Variants in ADK observed in about 807,000 individuals in gnomAD.
The protein encoded by ADK is adenosine kinase.
ADK carries 24 observed loss-of-function variants against 44.7 expected under a neutral mutation model. The observed-to-expected ratio is 0.54, with a 90% CI of 0.39 to 0.76. The LOEUF (loss-of-function observed/expected upper bound fraction) is 0.76, where lower values mean the gene tolerates loss of function less well. Among genes scored for constraint, ADK ranks in the 30% least tolerant of loss-of-function variants. The pLI, the probability that ADK is intolerant of heterozygous loss-of-function variation, is 0.00. For synonymous variants in ADK, 128 were observed against 142.6 expected, an observed-to-expected ratio of 0.90 and a Z score of 0.73; for missense variants, 321 against 425.1, an observed-to-expected ratio of 0.76 and a Z score of 2.15.
intron 6 of ADK, among the ~76,000 whole-genome samples, chr10:74,438,252 G>GTC (rs1444147882): frequency 1.4e-5 from 2 of 147,382 alleles, no homozygotes; most frequent in Non-Finnish European, 3.0e-5. Flanking sequence ...TTTTGAGACA[G>GTC]TCTCCCCTGT....
At chr10:74,600,173 A>G (rs949504792) in intron 8 of ADK, among the ~76,000 whole-genome samples, 8 of 152,132 alleles carry the variant, frequency 5.3e-5, no homozygotes, top group Non-Finnish European at 1.2e-4. Flanking sequence ...CATACATTTT[A>G]AATTTGTGTA....
chr10:74,277,334 T>G (rs1846729407), intron 3 of ADK, among the ~76,000 whole-genome samples: 1 of 152,234 alleles, frequency 6.6e-6, no homozygotes, highest in African/African-American at 2.4e-5. Context: ...TGACCTGGAC[T>G]GTGTGAGATA....
chr10:74,364,113 C>A (rs1424188975), intron 4 of ADK, among the ~76,000 whole-genome samples: 1 of 152,206 alleles, frequency 6.6e-6, no homozygotes, highest in African/African-American at 2.4e-5. Context: ...AATTACAATT[C>A]ATACCTGTAC....
At chr10:74,459,380 T>C (rs537294863) in intron 6 of ADK, among the ~76,000 whole-genome samples, 6 of 152,224 alleles carry the variant, frequency 3.9e-5, no homozygotes, top group Admixed American at 6.5e-5. Flanking sequence ...AACACCTTTT[T>C]ACATTTCAGA....
At chr10:74,509,863 C>T (rs997088266) in intron 6 of ADK, among the ~76,000 whole-genome samples, 1 of 152,188 alleles carries the variant, frequency 6.6e-6, no homozygotes, top group Non-Finnish European at 1.5e-5. Flanking sequence ...TAACATTTCA[C>T]TTAACATAAT....
rs527375515 is a variant in ADK at position 74,417,787 on chromosome 10, G to A, written c.555+19208G>A. On this transcript the variant is annotated intron_variant, in intron 6 of 10. Coordinates refer to ENST00000539909, the MANE Select transcript of ADK (RefSeq NM_006721.4). ...AAGCAAAATATCTGTTTTATTACTG[G>A]GTTTCCATTCACGAGCCCTGACTGC... is the stretch of plus-strand genomic sequence containing the variant. 2.6e-5 allele frequency among the ~76,000 whole-genome samples: 4 copies of A among 151,088 alleles called. No individual in the cohort carries two copies. The East Asian group carries it at 7.7e-4, about 29-fold the overall frequency.
chr10:74,598,665 G>A (rs989943442), intron 8 of ADK, among the ~76,000 whole-genome samples: 2 of 151,776 alleles, frequency 1.3e-5, no homozygotes, highest in African/African-American at 4.8e-5. Context: ...TAGCCAGGAT[G>A]GTCTTCATCT....
At chr10:74,498,700 T>G (rs57069441) in intron 6 of ADK, among the ~76,000 whole-genome samples, 4,566 of 152,206 alleles carry the variant, frequency 0.03, 192 homozygotes, top group African/African-American at 0.092. Context: ...CAACAGGCCT[T>G]GTGTGTGTTG....
intron 6 of ADK, among the ~76,000 whole-genome samples, chr10:74,509,184 G>C (rs1848199347): frequency 1.3e-5 from 2 of 151,692 alleles, no homozygotes; most frequent in Admixed American, 1.3e-4. Context: ...CATATTCATG[G>C]AATACATTAT....
chr10:74,530,819 G>T (rs950209357), intron 7 of ADK, among the ~76,000 whole-genome samples: 1 of 152,108 alleles, frequency 6.6e-6, no homozygotes, highest in Non-Finnish European at 1.5e-5. Flanking sequence ...CAGCTACTCG[G>T]GTGGCTGAGG....
At chr10:74,473,832 TG>T (rs139369435) in intron 6 of ADK, among the ~76,000 whole-genome samples, 1 of 151,880 alleles carries the variant, frequency 6.6e-6, no homozygotes, top group Non-Finnish European at 1.5e-5. Context: ...CACTTGGGGG[TG>T]GGGGGGTAAA....
Position 74,707,232 on chromosome 10 carries a change from C to T in ADK, c.965-1089C>T, listed in dbSNP as rs1174006850. ...TGTATTTTTTGTAGAGACAGGATTTCGCCATGTTGCTCATGCTGGTCTCAA... is the reference window on the plus strand; with the variant it reads ...TGTATTTTTTGTAGAGACAGGATTTTGCCATGTTGCTCATGCTGGTCTCAA... On this transcript the variant is annotated intron_variant, in intron 10 of 10. Transcript: ENST00000539909. Among the ~76,000 whole-genome samples the T allele has an allele frequency of 4.6e-5, 7 of 152,064 alleles. No individual in the cohort carries two copies. The East Asian group carries it at 1.2e-3, about 25-fold the overall frequency.
chr10:74,208,807 G>T (rs1254031627), intron 2 of ADK, among the ~76,000 whole-genome samples: 1 of 152,014 alleles, frequency 6.6e-6, no homozygotes, highest in African/African-American at 2.4e-5. Context: ...CGCAATCTCA[G>T]CTCACTGCAA....
chr10:74,515,019 T>G (rs1488458905), intron 6 of ADK, among the ~76,000 whole-genome samples: 1 of 152,134 alleles, frequency 6.6e-6, no homozygotes, highest in African/African-American at 2.4e-5. Flanking sequence ...AGAGACAGGG[T>G]TTCACCATGT....
chr10:74,255,763 C>G (rs1179909284), intron 3 of ADK, among the ~76,000 whole-genome samples: 1 of 152,214 alleles, frequency 6.6e-6, no homozygotes, highest in African/African-American at 2.4e-5. Context: ...AGCAAACTTA[C>G]TTTTGCAGTT....
chr10:74,205,635 C>T (rs371562581), intron 2 of ADK, among the ~76,000 whole-genome samples: 7 of 140,294 alleles, frequency 5.0e-5, no homozygotes, highest in South Asian at 2.2e-4. Context: ...GAGATTGCAC[C>T]ACTGCACTCC....
At chr10:74,176,643 C>T (rs987787102) in intron 1 of ADK, 5 of 1,406,372 alleles carry the variant, frequency 3.6e-6, no homozygotes, top group Non-Finnish European at 4.6e-6. Context: ...TGGCCCACGG[C>T]GTCTGGGGAC....
chr10:74,648,028 T>C (rs1044749218), intron 9 of ADK, among the ~76,000 whole-genome samples: 2 of 152,094 alleles, frequency 1.3e-5, no homozygotes, highest in Admixed American at 6.5e-5. Context: ...TTAAAATGCA[T>C]TGTGAATTGT....
At position 74,224,547 on chromosome 10, in the gene ADK, G is replaced by A. The variant is rs372962992; in HGVS notation, c.150G>A (p.Leu50=). Residue 50 remains leucine (L), a synonymous_variant, in exon 3 of 11, where the codon CTG becomes CTA. Transcript: ENST00000539909. ...CGTTTCTGTTATACAGGTATTCTCT[G>A]AAACCAAATGACCAAATCTTGGCTG... The part of the protein sequence containing the change: ...VDKDFLDKYS[L]KPNDQILAED... 6.2e-7 allele frequency: 1 copy of A among 1,613,564 alleles called. No individual in the cohort carries two copies. Among genetic ancestry groups the A allele is most frequent in the Middle Eastern group, 1.7e-4 (1 of 6,054 alleles).
Sources: gnomAD v4.1 joint callset for allele counts (sites outside exome capture counted in the v4.1 genomes callset) on GRCh38, gnomAD v4.1.1 for gene constraint, MANE v1.5 for transcripts, NCBI Gene and HGNC (gene_info 2026-07-23, HGNC 2026-07-21) for gene names.